The following SMG5 variants were observed in gnomAD, a reference collection of about 807,000 sequenced individuals.
SMG5 encodes the protein SMG5 nonsense mediated mRNA decay factor.
Under a neutral mutation model 122.9 loss-of-function variants are expected in SMG5, and 53 were observed. That is an observed-to-expected ratio of 0.43 (90% CI 0.35 to 0.54). The LOEUF is 0.54. Ranked by LOEUF, SMG5 falls within the 20% of genes least tolerant of loss-of-function variation. The pLI is 0.01. For synonymous variants in SMG5, 477 were observed against 490.2 expected (o/e 0.97, Z 0.35); for missense variants, 1,153 against 1,285.6 (o/e 0.90, Z 1.58).
intron 7 of SMG5, among the ~76,000 whole-genome samples, chr1:156,271,566 G>GTTTTTTTTT (rs755111375): frequency 2.4e-5 from 2 of 82,310 alleles, no homozygotes; most frequent in Non-Finnish European, 4.4e-5. Flanking sequence ...CCCTGAAGAG[G>GTTTTTTTTT]TTTTTTTTTT....
intron 4 of SMG5, among the ~76,000 whole-genome samples, chr1:156,275,287 G>C (rs972318117): frequency 6.6e-6 from 1 of 152,086 alleles, no homozygotes; most frequent in African/African-American, 2.4e-5. Context: ...GAGAAAAGTG[G>C]GCTTGCCCTG....
At chr1:156,263,342 C>G (rs2103222560) in intron 13 of SMG5, 53 bp downstream of exon 13, 1 of 1,556,528 alleles carries the variant, frequency 6.4e-7, no homozygotes, top group South Asian at 1.2e-5. Context: ...CTGGCTCATC[C>G]CCTCCTCCAA....
In SMG5 at chr1:156,269,814, G is replaced by A. The variant is rs189351127; in HGVS notation, c.714-1399C>T. Among the ~76,000 whole-genome samples, 210 of 152,328 alleles carry A rather than the reference G, an allele frequency of 1.4e-3. 1 individual carries two copies. The highest frequency in any genetic ancestry group is 4.9e-3 in the African/African-American group (203 of 41,570). On this transcript the variant is annotated intron_variant, in intron 7 of 21. Transcript: ENST00000361813. ...GGCGTGAATCCAGGAGGCGGAGCTT[G>A]CAGCGAGCTGAGATCGCGCCACTGC...
chr1:156,258,395 C>T (rs1305988948), intron 16 of SMG5, among the ~76,000 whole-genome samples: 2 of 152,206 alleles, frequency 1.3e-5, no homozygotes, highest in Admixed American at 6.5e-5. Context: ...AGGAAACTGG[C>T]GTGGTGAGGT....
rs1415197435 is a variant in SMG5, at chr1:156,252,289, GCTAA to G, written c.2753+121_2753+124del. Reference sequence around the variant, plus strand: ...TATCACTCCCCAGGCAGTGAGGTGAGCTAACTGTGAGTAGAGACGGGTATGTATG... The same window carrying G: ...TATCACTCCCCAGGCAGTGAGGTGAGCTGTGAGTAGAGACGGGTATGTATG... On this transcript the variant is annotated intron_variant, in intron 19 of 21. Coordinates refer to ENST00000361813, the MANE Select transcript of SMG5 (RefSeq NM_015327.3). The G allele has an allele frequency of 4.2e-5, 33 of 786,428 alleles. No homozygotes were observed. In the East Asian group the frequency reaches 6.5e-4, roughly 16 times the overall value. The allele number at this position is 786,428 out of a possible 1,614,324, so 48.7% of individuals were successfully genotyped here. A position where few individuals can be genotyped will look rare whatever the true frequency, so the allele number is the denominator to read the frequency against.
chr1:156,280,771 A>G (rs1230637878), intron 1 of SMG5, among the ~76,000 whole-genome samples: 1 of 152,228 alleles, frequency 6.6e-6, no homozygotes, highest in Non-Finnish European at 1.5e-5. Flanking sequence ...CTCATTTTCC[A>G]TCAGATCATA....
At chr1:156,284,119 T>C (rs922236802), upstream of SMG5, among the ~76,000 whole-genome samples, 7 of 152,346 alleles carry the variant, frequency 4.6e-5, no homozygotes, top group African/African-American at 1.7e-4. Flanking sequence ...TGGGAGTTCT[T>C]ACGCATTCCA....
At chr1:156,253,579 G>C (rs1661451997) in intron 16 of SMG5, 71 bp from the exon 17 acceptor site, 21 of 1,443,936 alleles carry the variant, frequency 1.5e-5, no homozygotes, top group Non-Finnish European at 2.0e-5. Context: ...GGAAGACCAA[G>C]AGGGTTTCCT....
the SMG5 span, among the ~76,000 whole-genome samples, chr1:156,289,267 G>A: frequency 6.6e-6 from 1 of 152,140 alleles, no homozygotes; most frequent in East Asian, 1.9e-4. Context: ...GAGGTCAGGA[G>A]ATCGAGACCA....
intron 19 of SMG5, among the ~76,000 whole-genome samples, chr1:156,251,760 C>T (rs907568089): frequency 6.6e-6 from 1 of 152,174 alleles, no homozygotes; most frequent in Non-Finnish European, 1.5e-5. Flanking sequence ...AGACAAGGTC[C>T]GAACAATCAG....
chr1:156,288,743 C>G, the SMG5 span, among the ~76,000 whole-genome samples: 1 of 152,214 alleles, frequency 6.6e-6, no homozygotes, highest in Non-Finnish European at 1.5e-5. Flanking sequence ...TGTGGTCCAG[C>G]AGTCAGTTGT....
In SMG5 at chr1:156,274,657, T is replaced by C; in HGVS notation, c.484A>G (p.Lys162Glu). The C allele has an allele frequency of 6.2e-7, 1 of 1,613,884 alleles. No homozygotes were observed. Among genetic ancestry groups the C allele is most frequent in the East Asian group, 2.2e-5 (1 of 44,874 alleles). Residue 162 changes from lysine (K) to glutamate (E), a missense_variant, in exon 5 of 22, where the codon AAG becomes GAG. This residue lies in a region of SMG5 where 213 missense variants were observed against 197.5 expected (regional missense o/e 1.08). Transcript: ENST00000361813. ...GCKKPVSASGKEMDWAQMACH... is the reference protein window; with the variant it reads ...GCKKPVSASGEEMDWAQMACH... ...GCCATCTGTGCCCAATCCATCTCCT[T>C]CCCTGAGGCAGACACTGGCTTCTTG...
At chr1:156,277,281 A>T in intron 3 of SMG5, 40 bp from the exon 4 acceptor site, 1 of 1,594,046 alleles carries the variant, frequency 6.3e-7, no homozygotes. Flanking sequence ...TAAGCAATAA[A>T]CTCAGAGTCG....
chr1:156,288,255 G>A, the SMG5 span, among the ~76,000 whole-genome samples: 4,923 of 149,062 alleles, frequency 0.033, 119 homozygotes, highest in Middle Eastern at 0.053. Flanking sequence ...TGTTAATCTA[G>A]AAGGCACCTT....
chr1:156,286,625 C>A (rs1652589159), upstream of SMG5: 5 of 733,992 alleles, frequency 6.8e-6, no homozygotes, highest in Non-Finnish European at 1.1e-5. Flanking sequence ...TTCTCTCTTG[C>A]ACCTTACCTC....
At chr1:156,259,447 G>T (rs140188604) in intron 15 of SMG5, among the ~76,000 whole-genome samples, 130 of 152,364 alleles carry the variant, frequency 8.5e-4, no homozygotes, top group African/African-American at 3.1e-3. Flanking sequence ...CACTGGGCTG[G>T]AAGTGAGGAG....
At chr1:156,272,230 C>T (rs537539326) in intron 7 of SMG5, 90 bp downstream of exon 7, 55 of 1,175,194 alleles carry the variant, frequency 4.7e-5, no homozygotes, top group Non-Finnish European at 6.3e-5. Flanking sequence ...TCAGCCACAG[C>T]TAGAGGAAGG....
chr1:156,278,272 T>G (rs1360843643), intron 2 of SMG5, among the ~76,000 whole-genome samples: 2 of 152,104 alleles, frequency 1.3e-5, no homozygotes, highest in Non-Finnish European at 2.9e-5. Flanking sequence ...TTTTTCCTCA[T>G]TTTTTCCCTT....
intron 16 of SMG5, 116 bp from the exon 17 acceptor site, chr1:156,253,624 C>T: frequency 2.3e-6 from 2 of 884,222 alleles, no homozygotes; most frequent in African/African-American, 1.6e-5. Flanking sequence ...AAGTCACTCT[C>T]TAGCACTGCT....
Sources: gnomAD v4.1 joint callset for allele counts (sites outside exome capture counted in the v4.1 genomes callset) on GRCh38, gnomAD v4.1.1 for gene constraint, gnomAD v4.1.1 regional missense constraint, MANE v1.5 for transcripts, NCBI Gene and HGNC (gene_info 2026-07-23, HGNC 2026-07-21) for gene names.